The following LRP1B variants were observed in gnomAD, a reference collection of about 807,000 sequenced individuals.
LRP1B encodes LDL receptor related protein 1B.
LRP1B carries 217 observed loss-of-function variants against 556.6 expected under a neutral mutation model. The observed-to-expected ratio is 0.39, with a 90% confidence interval of 0.35 to 0.44. LRP1B has a LOEUF of 0.44. LRP1B is among the 20% of genes least tolerant of loss of function. The probability of loss-of-function intolerance (pLI) is 1.00; values close to 1 mark genes in which losing one functional copy is unlikely to be tolerated. For missense variants in LRP1B, 5,053 were observed against 5,620.8 expected, an observed-to-expected ratio of 0.90 and a Z score of 3.23; for synonymous variants, 2,047 against 1,865.8, an observed-to-expected ratio of 1.10 and a Z score of -2.50.
intron 43 of LRP1B, among the ~76,000 whole-genome samples, chr2:140,584,548 T>C (rs1681907048): frequency 6.6e-6 from 1 of 152,110 alleles, no homozygotes; most frequent in Non-Finnish European, 1.5e-5. Flanking sequence ...TTCTAGGAAA[T>C]GTTAAATCAA....
intron 6 of LRP1B, among the ~76,000 whole-genome samples, chr2:141,210,975 A>AT (rs1349719562): frequency 3.3e-5 from 5 of 152,130 alleles, no homozygotes; most frequent in South Asian, 2.1e-4. Context: ...TAAGAGGTTT[A>AT]TTTTTTCATT....
intron 59 of LRP1B, among the ~76,000 whole-genome samples, chr2:140,483,653 T>TA (rs1292737774): frequency 1.8e-4 from 26 of 140,946 alleles, no homozygotes; most frequent in Non-Finnish European, 3.2e-4. Flanking sequence ...TTTTTTTTTT[T>TA]TTTTTGAGAC....
At chr2:140,704,392 T>C (rs186399932) in intron 37 of LRP1B, among the ~76,000 whole-genome samples, 229 of 152,162 alleles carry the variant, frequency 1.5e-3, no homozygotes, top group Non-Finnish European at 2.6e-3. Flanking sequence ...CAAACAAAAA[T>C]GAGGTATGGC....
chr2:141,952,513 A>C (rs1701134357), intron 1 of LRP1B, among the ~76,000 whole-genome samples: 1 of 152,134 alleles, frequency 6.6e-6, no homozygotes, highest in Non-Finnish European at 1.5e-5. Flanking sequence ...ATCCCTTGGA[A>C]TATTGAACAT....
At chr2:141,949,058 G>T (rs963418642) in intron 1 of LRP1B, among the ~76,000 whole-genome samples, 4 of 152,100 alleles carry the variant, frequency 2.6e-5, no homozygotes, top group African/African-American at 9.7e-5. Flanking sequence ...GAATGCTTGT[G>T]GCTATCACTG....
intron 21 of LRP1B, among the ~76,000 whole-genome samples, chr2:140,915,823 T>C (rs113971499): frequency 0.033 from 4,992 of 151,874 alleles, 118 homozygotes; most frequent in Middle Eastern, 0.062. Context: ...GGTCAGGAGA[T>C]CGAGACCATC....
At chr2:140,571,458 G>A (rs547464909) in intron 43 of LRP1B, among the ~76,000 whole-genome samples, 2 of 151,822 alleles carry the variant, frequency 1.3e-5, no homozygotes, top group East Asian at 1.9e-4. Flanking sequence ...AACCAAAGAA[G>A]TGAAATATTT....
At chr2:140,712,558 T>G (rs1346729613) in intron 37 of LRP1B, among the ~76,000 whole-genome samples, 1 of 151,964 alleles carries the variant, frequency 6.6e-6, no homozygotes, top group Non-Finnish European at 1.5e-5. Context: ...ACCAGTTTAT[T>G]TCCCCTTTGC....
At position 141,886,654 on chromosome 2, in the gene LRP1B, T is replaced by G. The variant is rs991758734; in HGVS notation, c.83-76253A>C. Among the ~76,000 whole-genome samples the G allele has an allele frequency of 4.6e-5, 7 of 152,284 alleles. No individual in the cohort carries two copies. The Middle Eastern group carries it at 0.01, about 222-fold the overall frequency. On this transcript the variant is annotated intron_variant, in intron 1 of 90. Coordinates refer to ENST00000389484, the MANE Select transcript of LRP1B (RefSeq NM_018557.3). ...TCTGCCAAATATATATATCTGAACA[T>G]AGTGAAAAAGTAACATTTAAAATCA...
intron 2 of LRP1B, among the ~76,000 whole-genome samples, chr2:141,786,472 T>C (rs764832789): frequency 3.3e-5 from 5 of 151,978 alleles, no homozygotes; most frequent in South Asian, 4.1e-4. Flanking sequence ...TTGATTTTTG[T>C]ATATTGTTCT....
At chr2:141,639,167 G>A (rs536213280) in intron 2 of LRP1B, among the ~76,000 whole-genome samples, 1 of 140,364 alleles carries the variant, frequency 7.1e-6, no homozygotes, top group Non-Finnish European at 1.5e-5. Context: ...TCACCAAATG[G>A]AGCTTCGGGA....
At chr2:140,419,858 A>G (rs1829364) in intron 66 of LRP1B, among the ~76,000 whole-genome samples, 23,299 of 152,030 alleles carry the variant, frequency 0.15, 2,222 homozygotes, top group Non-Finnish European at 0.22. Flanking sequence ...AATTACAAAA[A>G]TTAGTCCTGC....
intron 1 of LRP1B, among the ~76,000 whole-genome samples, chr2:142,110,509 G>A (rs1706938689): frequency 6.6e-6 from 1 of 152,038 alleles, no homozygotes; most frequent in Admixed American, 6.6e-5. Context: ...AATAAGTAGT[G>A]GGAGAAACCC....
At chr2:140,817,504 A>G (rs1363100789) in intron 31 of LRP1B, among the ~76,000 whole-genome samples, 1 of 151,896 alleles carries the variant, frequency 6.6e-6, no homozygotes, top group African/African-American at 2.4e-5. Flanking sequence ...TTTGATTTAA[A>G]TAGGCCAGTT....
At chr2:140,393,178 C>A (rs775321850) in intron 66 of LRP1B, among the ~76,000 whole-genome samples, 1 of 150,754 alleles carries the variant, frequency 6.6e-6, no homozygotes, top group South Asian at 2.1e-4. Flanking sequence ...TGGCAGAGGT[C>A]AAGATAAATA....
At chr2:140,820,222 C>T (rs1415900751) in intron 31 of LRP1B, among the ~76,000 whole-genome samples, 4 of 152,142 alleles carry the variant, frequency 2.6e-5, no homozygotes, top group Non-Finnish European at 5.9e-5. Context: ...TAAAGTGATC[C>T]ACCTGGCTCA....
intron 1 of LRP1B, among the ~76,000 whole-genome samples, chr2:141,940,636 T>C (rs1700769419): frequency 6.6e-6 from 1 of 152,192 alleles, no homozygotes; most frequent in African/African-American, 2.4e-5. Flanking sequence ...GAGGAGAATT[T>C]GAATATATGT....
intron 7 of LRP1B, among the ~76,000 whole-genome samples, chr2:141,130,939 C>A (rs1214044803): frequency 6.6e-6 from 1 of 152,084 alleles, no homozygotes; most frequent in Admixed American, 6.6e-5. Context: ...AAACCAAACA[C>A]CACATGTTCT....
At chr2:141,948,960 G>A (rs16847719) in intron 1 of LRP1B, among the ~76,000 whole-genome samples, 31,886 of 151,816 alleles carry the variant, frequency 0.21, 4,008 homozygotes, top group East Asian at 0.36. Context: ...AATCACACAC[G>A]CAAATATACA....
Sources: gnomAD v4.1 joint callset for allele counts (sites outside exome capture counted in the v4.1 genomes callset) on GRCh38, gnomAD v4.1.1 for gene constraint, MANE v1.5 for transcripts, NCBI Gene and HGNC (gene_info 2026-07-23, HGNC 2026-07-21) for gene names.